The following MTUS2 variants were observed in gnomAD, a reference collection of about 807,000 sequenced individuals.
The protein encoded by MTUS2 is microtubule-associated tumor suppressor candidate 2.
In MTUS2, 40 loss-of-function variants were observed where a neutral mutation model predicts 114.1. That is an observed-to-expected ratio of 0.35 (90% CI 0.27 to 0.46). MTUS2 has a LOEUF of 0.46. Among genes scored for constraint, MTUS2 ranks in the 20% least tolerant of loss-of-function variants. MTUS2 has a pLI of 1.00. For synonymous variants in MTUS2, 688 were observed against 672.0 expected, an observed-to-expected ratio of 1.02 and a Z score of -0.37; for missense variants, 1,679 against 1,705.4, an observed-to-expected ratio of 0.98 and a Z score of 0.27.
At chr13:29,095,268 T>C (rs1285468491) in intron 4 of MTUS2, among the ~76,000 whole-genome samples, 4 of 152,156 alleles carry the variant, frequency 2.6e-5, no homozygotes, top group Non-Finnish European at 5.9e-5. Context: ...AACTATTATT[T>C]TGAATTGTTT....
rs186035383 is a variant in MTUS2, at chr13:29,378,259, A to G, written c.3117+18786A>G. 1.2e-4 allele frequency among the ~76,000 whole-genome samples: 18 copies of G among 151,832 alleles called. 1 individual carries two copies. In the East Asian group the frequency reaches 3.3e-3, roughly 28 times the overall value. ...TCAATTGCACACAAAGCACAAAGTC[A>G]GTGTTACTGTATGTTAATTTTTATA... On this transcript the variant is annotated intron_variant, in intron 8 of 15. Coordinates refer to ENST00000612955, the MANE Select transcript of MTUS2 (RefSeq NM_001033602.4).
intron 5 of MTUS2, among the ~76,000 whole-genome samples, chr13:29,150,907 C>CT (rs1173988584): frequency 6.6e-6 from 1 of 152,106 alleles, no homozygotes; most frequent in African/African-American, 2.4e-5. Context: ...GTCTACATGT[C>CT]TGTTTTCATA....
intron 5 of MTUS2, among the ~76,000 whole-genome samples, chr13:29,233,450 G>A (rs1593199844): frequency 6.6e-6 from 1 of 152,102 alleles, no homozygotes; most frequent in Admixed American, 6.5e-5. Context: ...TAAAACTATC[G>A]TCGACATTCA....
chr13:28,901,843 T>C lies in MTUS2; in HGVS notation c.-243+61993T>C, dbSNP rs192279951. On this transcript the variant is annotated intron_variant, in intron 2 of 15. Coordinates refer to ENST00000612955, the MANE Select transcript of MTUS2 (RefSeq NM_001033602.4). ...ATTATTATGGTAGGGTTTGTGCCTC[T>C]TCATATAAATTTTAAAATAAGCTTG... Among the ~76,000 whole-genome samples the C allele has an allele frequency of 3.5e-4, 53 of 152,284 alleles. 1 individual carries two copies. Among genetic ancestry groups the C allele is most frequent in the Admixed American group, 1.6e-3 (24 of 15,284 alleles).
rs781133280 is a variant in MTUS2, at chr13:29,452,572, ATATG to A, written c.3184+12525_3184+12528del. Reference sequence around the variant, plus strand: ...CACCCAACTGTGTATATATATATATATATGTGTGTGTGTGTGTGTGTGTGTGTGT... The same window carrying A: ...CACCCAACTGTGTATATATATATATATGTGTGTGTGTGTGTGTGTGTGTGT... On this transcript the variant is annotated intron_variant, in intron 9 of 15. Coordinates refer to ENST00000612955, the MANE Select transcript of MTUS2 (RefSeq NM_001033602.4). Among the ~76,000 whole-genome samples the A allele has an allele frequency of 8.9e-3, 432 of 48,722 alleles. 6 individuals carry two copies. Among genetic ancestry groups the A allele is most frequent in the African/African-American group, 0.019 (303 of 15,712 alleles). The allele number at this position is 48,722 out of a possible 152,430, so 32.0% of individuals were successfully genotyped here.
chr13:29,278,216 T>C lies in MTUS2; in HGVS notation c.2645-3488T>C, dbSNP rs536268508. Reference sequence around the variant, plus strand: ...ACTTTAAAATTTTTCAAACAGTACATAGGAGAACATCTTTATGATTTCAGG... The same window carrying C: ...ACTTTAAAATTTTTCAAACAGTACACAGGAGAACATCTTTATGATTTCAGG... On this transcript the variant is annotated intron_variant, in intron 5 of 15. Transcript: ENST00000612955. 5.3e-5 allele frequency among the ~76,000 whole-genome samples: 8 copies of C among 152,308 alleles called. No homozygotes were observed. The East Asian group carries it at 1.5e-3, about 29-fold the overall frequency.
chr13:29,439,723 T>C (rs1284251892), intron 8 of MTUS2, among the ~76,000 whole-genome samples: 1 of 152,174 alleles, frequency 6.6e-6, no homozygotes, highest in Non-Finnish European at 1.5e-5. Context: ...CAGGATGATA[T>C]ACAGGAGTGT....
At chr13:29,217,764 G>A (rs1895739702) in intron 5 of MTUS2, among the ~76,000 whole-genome samples, 1 of 152,104 alleles carries the variant, frequency 6.6e-6, no homozygotes, top group African/African-American at 2.4e-5. Context: ...TTCTCAAACT[G>A]CTGCTGCTGC....
intron 6 of MTUS2, among the ~76,000 whole-genome samples, chr13:29,300,535 A>T (rs1052679030): frequency 6.6e-5 from 10 of 152,180 alleles, no homozygotes; most frequent in African/African-American, 2.4e-4. Flanking sequence ...TGCTACCATC[A>T]TATGGCCCAA....
intron 8 of MTUS2, among the ~76,000 whole-genome samples, chr13:29,429,345 C>T (rs553605512): frequency 6.6e-6 from 1 of 152,312 alleles, no homozygotes; most frequent in South Asian, 2.1e-4. Context: ...AGCACTCATT[C>T]TTGTAATTTA....
chr13:29,042,915 T>C (rs1274562776), intron 4 of MTUS2, among the ~76,000 whole-genome samples: 1 of 152,110 alleles, frequency 6.6e-6, no homozygotes, highest in Non-Finnish European at 1.5e-5. Context: ...TTCAAAGACC[T>C]AGCTTTTGTT....
At chr13:29,332,590 C>T (rs1900836593) in intron 7 of MTUS2, among the ~76,000 whole-genome samples, 1 of 148,258 alleles carries the variant, frequency 6.7e-6, no homozygotes, top group South Asian at 2.1e-4. Flanking sequence ...TATTTCTTGT[C>T]TTCTGCTAGC....
intron 5 of MTUS2, among the ~76,000 whole-genome samples, chr13:29,168,810 T>G (rs1233259837): frequency 1.3e-5 from 2 of 151,952 alleles, no homozygotes; most frequent in Admixed American, 1.3e-4. Flanking sequence ...ACCTGCAATT[T>G]AAGCCTGGCC....
intron 8 of MTUS2, among the ~76,000 whole-genome samples, chr13:29,393,493 T>A (rs1221130376): frequency 6.6e-6 from 1 of 152,194 alleles, no homozygotes; most frequent in Non-Finnish European, 1.5e-5. Context: ...GGAGGTTCTG[T>A]GCTCAGAACC....
intron 2 of MTUS2, among the ~76,000 whole-genome samples, chr13:28,842,646 GA>G (rs1875587426): frequency 2.0e-5 from 3 of 152,162 alleles, no homozygotes; most frequent in Admixed American, 2.0e-4. Context: ...TTATTTTAAA[GA>G]AGAGATCCTT....
chr13:29,128,275 T>G (rs1041846952), intron 5 of MTUS2, among the ~76,000 whole-genome samples: 1 of 152,052 alleles, frequency 6.6e-6, no homozygotes, highest in Non-Finnish European at 1.5e-5. Context: ...CAGAAAATAA[T>G]GTTCAATGAG....
At chr13:29,464,117 G>A (rs1350423921) in intron 9 of MTUS2, among the ~76,000 whole-genome samples, 1 of 152,240 alleles carries the variant, frequency 6.6e-6, no homozygotes, top group Admixed American at 6.5e-5. Context: ...GAAGGTTGTG[G>A]TGTTGAGCAA....
chr13:28,857,300 G>T (rs1414865814), intron 2 of MTUS2, among the ~76,000 whole-genome samples: 1 of 152,124 alleles, frequency 6.6e-6, no homozygotes, highest in East Asian at 1.9e-4. Flanking sequence ...CTAGTGATTC[G>T]TCTTTTTAAA....
intron 9 of MTUS2, among the ~76,000 whole-genome samples, chr13:29,440,318 A>G (rs1004734874): frequency 1.3e-5 from 2 of 152,194 alleles, no homozygotes; most frequent in African/African-American, 4.8e-5. Flanking sequence ...GGCAGCTCAT[A>G]CATCAGTCTG....
Sources: allele counts gnomAD v4.1 joint callset (sites outside exome capture counted in the v4.1 genomes callset), GRCh38; gene constraint gnomAD v4.1.1; transcripts MANE v1.5; gene names NCBI Gene and HGNC (gene_info 2026-07-23, HGNC 2026-07-21).